Variants in PLCH1 observed in about 807,000 individuals in gnomAD.
The protein encoded by PLCH1 is 1-phosphatidylinositol 4,5-bisphosphate phosphodiesterase eta-1.
Under a neutral mutation model 126.7 loss-of-function variants are expected in PLCH1, and 60 were observed. That is an observed-to-expected ratio of 0.47 (90% CI 0.38 to 0.59). The LOEUF (loss-of-function observed/expected upper bound fraction) is 0.59, where lower values mean the gene tolerates loss of function less well. Ranked by LOEUF, PLCH1 falls within the 20% of genes least tolerant of loss-of-function variation. The pLI, the probability that PLCH1 is intolerant of heterozygous loss-of-function variation, is 0.00. For synonymous variants in PLCH1, 719 were observed against 734.9 expected (o/e 0.98, Z 0.35); for missense variants, 1,723 against 2,040.0 (o/e 0.84, Z 2.99).
chr3:155,631,309 T>G (rs1035525120), intron 2 of PLCH1, among the ~76,000 whole-genome samples: 15 of 150,362 alleles, frequency 1.0e-4, no homozygotes, highest in African/African-American at 3.7e-4. Context: ...AGGATCCTAG[T>G]GTAATGCTAG....
intron 8 of PLCH1, among the ~76,000 whole-genome samples, chr3:155,554,765 ATAACT>A (rs1211038499): frequency 2.0e-5 from 3 of 152,354 alleles, no homozygotes; most frequent in Non-Finnish European, 4.4e-5. Context: ...ATTTGGGCAA[ATAACT>A]TAATCATTTG....
At chr3:155,635,309 C>A (rs539695355) in intron 2 of PLCH1, among the ~76,000 whole-genome samples, 1 of 152,232 alleles carries the variant, frequency 6.6e-6, no homozygotes, top group South Asian at 2.1e-4. Context: ...TCAAGCCCTG[C>A]AGCTTGCATC....
At chr3:155,473,282 A>G (rs1240182272) in intron 21 of PLCH1, among the ~76,000 whole-genome samples, 7 of 151,700 alleles carry the variant, frequency 4.6e-5, no homozygotes, top group African/African-American at 1.4e-4. Flanking sequence ...TTATACACCA[A>G]TAACAGACAG....
chr3:155,699,822 T>TCACACACACA lies in PLCH1; in HGVS notation c.79+4314_79+4323dup, dbSNP rs59082626. Among the ~76,000 whole-genome samples, 899 of 147,768 alleles carry TCACACACACA rather than the reference T, an allele frequency of 6.1e-3. 11 individuals carry two copies. Among genetic ancestry groups the TCACACACACA allele is most frequent in the South Asian group, 0.032 (148 of 4,626 alleles). ...ATGGTCAGGAGAAACCTGTGACCAT[T>TCACACACACA]CACACACACACACACACACACACAC... On this transcript the variant is annotated intron_variant, in intron 2 of 22. Coordinates refer to ENST00000460012, the MANE Select transcript of PLCH1 (RefSeq NM_014996.4).
intron 2 of PLCH1, among the ~76,000 whole-genome samples, chr3:155,655,223 C>A (rs142229482): frequency 6.6e-6 from 1 of 152,172 alleles, no homozygotes; most frequent in African/African-American, 2.4e-5. Flanking sequence ...ATCAATTGAG[C>A]CTGGGAGTTC....
intron 1 of PLCH1, among the ~76,000 whole-genome samples, chr3:155,744,247 G>C (rs1287330500): frequency 6.6e-6 from 1 of 152,184 alleles, no homozygotes; most frequent in Non-Finnish European, 1.5e-5. Context: ...GCGGGGCCGG[G>C]GTTTGCCTCC....
intron 2 of PLCH1, among the ~76,000 whole-genome samples, chr3:155,636,057 T>C (rs537288912): frequency 6.6e-6 from 1 of 152,262 alleles, no homozygotes; most frequent in East Asian, 1.9e-4. Context: ...CCTCAAATCA[T>C]TTCATCGTAT....
chr3:155,676,489 G>A (rs1220360968), intron 2 of PLCH1: 1 of 669,052 alleles, frequency 1.5e-6, no homozygotes, highest in African/African-American at 1.9e-5. Flanking sequence ...AGGTCATTGA[G>A]AAACACTGAT....
chr3:155,698,262 A>T (rs2109063831), intron 2 of PLCH1, among the ~76,000 whole-genome samples: 1 of 152,326 alleles, frequency 6.6e-6, no homozygotes, highest in South Asian at 2.1e-4. Context: ...AAATGAAAGA[A>T]CTTTAGATTT....
intron 10 of PLCH1, among the ~76,000 whole-genome samples, chr3:155,531,935 C>G (rs1411856585): frequency 6.6e-6 from 1 of 152,192 alleles, no homozygotes; most frequent in Non-Finnish European, 1.5e-5. Flanking sequence ...AACTTTCTCT[C>G]TATCAGCAAT....
At chr3:155,478,058 A>G (rs2107989824), downstream of PLCH1, among the ~76,000 whole-genome samples, 1 of 152,302 alleles carries the variant, frequency 6.6e-6, no homozygotes, top group Non-Finnish European at 1.5e-5. Context: ...ATGGAGTACT[A>G]TTCAGCCATA....
intron 21 of PLCH1, chr3:155,486,034 T>TG: frequency 1.4e-6 from 1 of 699,996 alleles, no homozygotes; most frequent in Non-Finnish European, 2.4e-6. Flanking sequence ...AAGCAACAGA[T>TG]GCATGTTTCA....
chr3:155,492,970 A>G, intron 17 of PLCH1, 117 bp from the exon 18 acceptor site: 2 of 892,444 alleles, frequency 2.2e-6, no homozygotes, highest in Non-Finnish European at 1.6e-6. Context: ...ACATGATCAC[A>G]TAACTATCAG....
At chr3:155,627,187 A>T (rs1737411071) in intron 2 of PLCH1, among the ~76,000 whole-genome samples, 2 of 152,236 alleles carry the variant, frequency 1.3e-5, no homozygotes, top group African/African-American at 4.8e-5. Flanking sequence ...TATCTATCTA[A>T]ATTTAAAACA....
intron 4 of PLCH1, among the ~76,000 whole-genome samples, chr3:155,588,524 C>T (rs1731673307): frequency 6.6e-6 from 1 of 152,088 alleles, no homozygotes; most frequent in Admixed American, 6.6e-5. Flanking sequence ...TATTTTTATC[C>T]TTTTACTCTA....
intron 2 of PLCH1, among the ~76,000 whole-genome samples, chr3:155,670,348 T>C (rs1743282713): frequency 6.6e-6 from 1 of 152,196 alleles, no homozygotes; most frequent in Non-Finnish European, 1.5e-5. Context: ...GTTTTATCTT[T>C]ATACATCCTC....
chr3:155,561,497 T>C (rs1194501590), intron 8 of PLCH1, among the ~76,000 whole-genome samples: 207 of 151,760 alleles, frequency 1.4e-3, no homozygotes, highest in African/African-American at 4.7e-3. Flanking sequence ...TATTCCATGG[T>C]GTATATGTGC....
chr3:155,514,856 T>A lies in PLCH1; in HGVS notation c.1499A>T (p.Glu500Val), dbSNP rs752992174. 2 of 1,610,174 alleles carry A rather than the reference T, an allele frequency of 1.2e-6. No individual in the cohort carries two copies. Reference protein sequence around the residue: ...YSNGTTEHQVESFIRKKLESL... With the variant: ...YSNGTTEHQVVSFIRKKLESL... ...CTCCAGTTTTTTCCTTATGAAAGAT[T>A]CCACCTGATGCTCAGTGGTCCCATT... Residue 500 changes from glutamate (E) to valine (V), a missense_variant, in exon 12 of 23, where the codon GAA (glutamate) becomes GTA (valine). Around this residue, in one of 2 missense-constraint regions of PLCH1, gnomAD observed 776 missense variants for 1,062.9 expected, o/e 0.73. Coordinates refer to ENST00000460012, the MANE Select transcript of PLCH1 (RefSeq NM_014996.4).
At chr3:155,653,848 C>A (rs1387036073) in intron 2 of PLCH1, among the ~76,000 whole-genome samples, 2 of 152,110 alleles carry the variant, frequency 1.3e-5, no homozygotes, top group Admixed American at 6.6e-5. Context: ...TCATAAGAAT[C>A]TTCAAATATG....
Sources: gnomAD v4.1 joint callset for allele counts (sites outside exome capture counted in the v4.1 genomes callset) on GRCh38, gnomAD v4.1.1 for gene constraint, gnomAD v4.1.1 regional missense constraint, MANE v1.5 for transcripts, NCBI Gene and HGNC (gene_info 2026-07-23, HGNC 2026-07-21) for gene names.